Variants in DUSP16 observed in about 807,000 individuals in gnomAD.
DUSP16 encodes dual specificity protein phosphatase 16.
In DUSP16, 21 loss-of-function variants were observed where a neutral mutation model predicts 58.3. That is an observed-to-expected ratio of 0.36 (90% confidence interval 0.26 to 0.52). DUSP16 has a LOEUF of 0.52. Ranked by LOEUF, DUSP16 falls within the 20% of genes least tolerant of loss-of-function variation. The pLI, the probability that DUSP16 is intolerant of heterozygous loss-of-function variation, is 0.94. For missense variants in DUSP16, 726 were observed against 819.0 expected (o/e 0.89, Z 1.39); for synonymous variants, 320 against 323.8 (o/e 0.99, Z 0.12).
chr12:12,558,041 C>T (rs1944836058), intron 1 of DUSP16, among the ~76,000 whole-genome samples: 1 of 152,248 alleles, frequency 6.6e-6, no homozygotes, highest in Admixed American at 6.5e-5. Context: ...TGGCACTTGC[C>T]AGCTGTCTGG....
chr12:12,494,374 G>A (rs181248097), intron 4 of DUSP16, among the ~76,000 whole-genome samples: 153 of 152,030 alleles, frequency 1.0e-3, no homozygotes, highest in African/African-American at 3.6e-3. Context: ...AATCACCAAG[G>A]GCTTACTATG....
intron 5 of DUSP16, among the ~76,000 whole-genome samples, chr12:12,480,935 T>C (rs528601938): frequency 2.6e-5 from 4 of 152,250 alleles, no homozygotes; most frequent in Admixed American, 1.3e-4. Flanking sequence ...GGCAGGCTGG[T>C]CTCTAACTCC....
chr12:12,479,458 C>T (rs1027013323), intron 6 of DUSP16, among the ~76,000 whole-genome samples: 9 of 152,210 alleles, frequency 5.9e-5, no homozygotes, highest in South Asian at 4.1e-4. Flanking sequence ...GTCTGAACGG[C>T]GGCATGAGAG....
intron 1 of DUSP16, among the ~76,000 whole-genome samples, chr12:12,557,423 C>CTCCAA (rs1944822611): frequency 6.7e-6 from 1 of 149,514 alleles, no homozygotes; most frequent in East Asian, 2.0e-4. Flanking sequence ...CGCCACTGCA[C>CTCCAA]TCCAGCCTGG....
At chr12:12,537,835 A>G (rs1944491266) in intron 1 of DUSP16, among the ~76,000 whole-genome samples, 1 of 152,216 alleles carries the variant, frequency 6.6e-6, no homozygotes, top group Non-Finnish European at 1.5e-5. Context: ...TCTTGCAAAT[A>G]GTGTTCATTC....
intron 3 of DUSP16, among the ~76,000 whole-genome samples, chr12:12,518,000 C>A (rs1238892177): frequency 1.3e-5 from 2 of 152,146 alleles, no homozygotes; most frequent in African/African-American, 4.8e-5. Flanking sequence ...AGATTAAGAA[C>A]CTTCCCAGGT....
At chr12:12,502,915 C>T (rs1415259818) in intron 3 of DUSP16, among the ~76,000 whole-genome samples, 1 of 152,096 alleles carries the variant, frequency 6.6e-6, no homozygotes, top group African/African-American at 2.4e-5. Context: ...ACCCTCACAC[C>T]GCCCCATGCA....
chr12:12,561,289 C>A (rs552736029), intron 1 of DUSP16, among the ~76,000 whole-genome samples: 1 of 152,312 alleles, frequency 6.6e-6, no homozygotes, highest in African/African-American at 2.4e-5. Flanking sequence ...GACTTCAAAA[C>A]GCCAAGAATC....
At chr12:12,561,469 C>G (rs372818571) in intron 1 of DUSP16, among the ~76,000 whole-genome samples, 2 of 152,224 alleles carry the variant, frequency 1.3e-5, no homozygotes, top group Non-Finnish European at 2.9e-5. Context: ...ACGTGATACA[C>G]AGACCCTGGG....
In DUSP16 at chr12:12,476,789, C is replaced by T. The variant is rs751069705; in HGVS notation, c.*44G>A. The T allele has an allele frequency of 1.3e-6, 2 of 1,507,842 alleles. No homozygotes were observed. Among genetic ancestry groups the T allele is most frequent in the East Asian group, 2.3e-5 (1 of 44,210 alleles). The allele number at this position is 1,507,842 out of a possible 1,614,324, so 93.4% of individuals were successfully genotyped here. A position where few individuals can be genotyped will look rare whatever the true frequency, so the allele number is the denominator to read the frequency against. ...GATTTACAGGGAATTTTTTTGTGAACAAGAAAAAAAAATTGTCTATAGAAG... is the reference window on the plus strand; with the variant it reads ...GATTTACAGGGAATTTTTTTGTGAATAAGAAAAAAAAATTGTCTATAGAAG... On this transcript the variant is annotated 3_prime_UTR_variant, in exon 7 of 7. Coordinates refer to ENST00000298573, the MANE Select transcript of DUSP16 (RefSeq NM_030640.3).
At chr12:12,494,960 T>A (rs1375327655) in intron 4 of DUSP16, among the ~76,000 whole-genome samples, 1 of 152,178 alleles carries the variant, frequency 6.6e-6, no homozygotes, top group Non-Finnish European at 1.5e-5. Flanking sequence ...GTAAAGTACA[T>A]GGGTAACGGC....
chr12:12,503,190 T>C (rs1025813383), intron 3 of DUSP16, among the ~76,000 whole-genome samples: 8 of 151,526 alleles, frequency 5.3e-5, no homozygotes, highest in African/African-American at 7.3e-5. Flanking sequence ...GCCTGGCGTA[T>C]AGTAAAGCAC....
intron 3 of DUSP16, among the ~76,000 whole-genome samples, chr12:12,516,223 T>G (rs1328919482): frequency 6.6e-6 from 1 of 151,968 alleles, no homozygotes; most frequent in Non-Finnish European, 1.5e-5. Context: ...CACTGTAACC[T>G]CGAACTCCTG....
chr12:12,555,054 A>G (rs1287438189), intron 1 of DUSP16, among the ~76,000 whole-genome samples: 1 of 152,242 alleles, frequency 6.6e-6, no homozygotes, highest in Admixed American at 6.5e-5. Flanking sequence ...TAAACCCACT[A>G]CAAAATAAGC....
intron 3 of DUSP16, among the ~76,000 whole-genome samples, chr12:12,508,539 T>C (rs541427345): frequency 2.6e-5 from 4 of 152,288 alleles, no homozygotes; most frequent in African/African-American, 9.6e-5. Context: ...AATTGAGCCA[T>C]ACTAAAGAGA....
At chr12:12,561,918 G>T (rs547665727) in intron 1 of DUSP16, among the ~76,000 whole-genome samples, 199 bp downstream of exon 1, 1 of 150,396 alleles carries the variant, frequency 6.6e-6, no homozygotes, top group African/African-American at 2.4e-5. Flanking sequence ...TGCGGCCCCC[G>T]GCCGCGGTCG....
chr12:12,524,867 T>C (rs1043774745), intron 1 of DUSP16, among the ~76,000 whole-genome samples: 7 of 152,218 alleles, frequency 4.6e-5, no homozygotes, highest in African/African-American at 1.4e-4. Context: ...GTGTCACTTA[T>C]ACATCAATAA....
At chr12:12,532,985 A>C (rs1451706594) in intron 1 of DUSP16, among the ~76,000 whole-genome samples, 1 of 151,856 alleles carries the variant, frequency 6.6e-6, no homozygotes, top group African/African-American at 2.4e-5. Context: ...AACAAATGTA[A>C]TGTATGGAAA....
intron 1 of DUSP16, among the ~76,000 whole-genome samples, chr12:12,548,207 G>A (rs1204497638): frequency 6.6e-6 from 1 of 151,974 alleles, no homozygotes; most frequent in Admixed American, 6.6e-5. Context: ...GCAAAGGACT[G>A]GAATAAACAT....
Sources: gnomAD v4.1 joint callset for allele counts (sites outside exome capture counted in the v4.1 genomes callset) on GRCh38, gnomAD v4.1.1 for gene constraint, MANE v1.5 for transcripts, NCBI Gene and HGNC (gene_info 2026-07-23, HGNC 2026-07-21) for gene names.